The following KAZN variants were observed in gnomAD, a reference collection of about 807,000 sequenced individuals.
KAZN encodes the protein kazrin, periplakin interacting protein.
In KAZN, 40 loss-of-function variants were observed where a neutral mutation model predicts 87.4. The ratio of observed to expected loss-of-function variants is 0.46; its 90% CI spans 0.36 to 0.60. The LOEUF (loss-of-function observed/expected upper bound fraction) is 0.60. Ranked by LOEUF, KAZN falls within the 20% of genes least tolerant of loss-of-function variation. KAZN has a pLI of 0.00. For missense variants in KAZN, 898 were observed against 1,073.9 expected (o/e 0.84, Z 2.29); for synonymous variants, 466 against 458.3 (o/e 1.02, Z -0.22).
intron 13 of KAZN, among the ~76,000 whole-genome samples, chr1:15,107,328 T>C (rs1641330849): frequency 6.6e-6 from 1 of 152,192 alleles, no homozygotes; most frequent in South Asian, 2.1e-4. Context: ...TCTTTCCCTT[T>C]TTTAATAGAT....
chr1:14,243,316 G>A (rs375678294), intron 2 of KAZN, among the ~76,000 whole-genome samples: 2 of 152,090 alleles, frequency 1.3e-5, no homozygotes, highest in African/African-American at 4.8e-5. Context: ...GTTTCTAGTC[G>A]GGCCCTACCC....
intron 8 of KAZN, among the ~76,000 whole-genome samples, chr1:15,090,052 C>A (rs1489619274): frequency 6.6e-6 from 1 of 152,242 alleles, no homozygotes; most frequent in Non-Finnish European, 1.5e-5. Context: ...GTATCTGCAA[C>A]TTTCACACCC....
At chr1:14,453,719 C>T (rs546328766) in intron 2 of KAZN, among the ~76,000 whole-genome samples, 1 of 152,218 alleles carries the variant, frequency 6.6e-6, no homozygotes, top group South Asian at 2.1e-4. Flanking sequence ...CCCTGTAATC[C>T]CAGCTACTAG....
chr1:14,410,497 T>C (rs1035208722), intron 2 of KAZN, among the ~76,000 whole-genome samples: 1 of 152,202 alleles, frequency 6.6e-6, no homozygotes, highest in African/African-American at 2.4e-5. Context: ...ATGACGGACA[T>C]GCATAGTAGA....
At chr1:14,653,695 G>A (rs1017022602) in intron 1 of KAZN, among the ~76,000 whole-genome samples, 23 of 152,224 alleles carry the variant, frequency 1.5e-4, no homozygotes, top group African/African-American at 5.5e-4. Context: ...GTCAAGGCTT[G>A]TAATACCAAC....
intron 2 of KAZN, among the ~76,000 whole-genome samples, chr1:14,237,563 T>C (rs1648541251): frequency 6.6e-6 from 1 of 152,170 alleles, no homozygotes; most frequent in Admixed American, 6.5e-5. Context: ...TGAGAGAGAA[T>C]ACTCTGTTAT....
chr1:13,992,562 C>T (rs1639334536), intron 1 of KAZN, among the ~76,000 whole-genome samples: 1 of 152,156 alleles, frequency 6.6e-6, no homozygotes, highest in Admixed American at 6.5e-5. Flanking sequence ...GCCAAACCAG[C>T]TTGACTTAAG....
intron 2 of KAZN, among the ~76,000 whole-genome samples, chr1:14,195,511 T>TCACACACACACACACACACACA (rs55792359): frequency 6.8e-6 from 1 of 146,090 alleles, no homozygotes; most frequent in Non-Finnish European, 1.5e-5. Context: ...CAAAAACGGC[T>TCACACACACACACACACACACA]CACACACACA....
intron 2 of KAZN, among the ~76,000 whole-genome samples, chr1:14,590,803 A>G (rs1676148356): frequency 6.6e-6 from 1 of 152,152 alleles, no homozygotes; most frequent in Non-Finnish European, 1.5e-5. Flanking sequence ...ATTCCTCAAC[A>G]AGTCTATGAA....
chr1:15,108,815 A>G (rs189929105), intron 13 of KAZN, among the ~76,000 whole-genome samples: 55 of 152,268 alleles, frequency 3.6e-4, no homozygotes, highest in African/African-American at 1.3e-3. Flanking sequence ...TTCCCTCATC[A>G]AAAGTTCCCC....
At position 14,201,050 on chromosome 1, in the gene KAZN, A is replaced by T. The variant is rs756446309; in HGVS notation, c.249+20458A>T. ...CCTGGTGCATGGCCTCTCCCGGCCC[A>T]ATTTATCTTAGGGAGTGGTGTGCCT... On this transcript the variant is annotated intron_variant, in intron 2 of 16. Transcript: ENST00000636203. Among the ~76,000 whole-genome samples, 63 of 152,180 alleles carry T rather than the reference A, an allele frequency of 4.1e-4. 1 individual carries two copies. Among genetic ancestry groups the T allele is most frequent in the Non-Finnish European group, 7.5e-4 (51 of 68,014 alleles).
At chr1:14,931,593 AGATT>A (rs1459439268) in intron 1 of KAZN, among the ~76,000 whole-genome samples, 1 of 152,104 alleles carries the variant, frequency 6.6e-6, no homozygotes, top group East Asian at 1.9e-4. Flanking sequence ...GCTAAGGTAT[AGATT>A]CTCAGGCTCC....
At chr1:14,088,863 G>T (rs150850870) in intron 1 of KAZN, among the ~76,000 whole-genome samples, 2 of 150,998 alleles carry the variant, frequency 1.3e-5, no homozygotes. Context: ...TCATGAATGG[G>T]CCTTTTTATC....
chr1:14,047,197 A>C (rs1023798220), intron 1 of KAZN, among the ~76,000 whole-genome samples: 2 of 152,196 alleles, frequency 1.3e-5, no homozygotes, highest in African/African-American at 4.8e-5. Flanking sequence ...TCACTGGTAG[A>C]AATAGGGATG....
At chr1:14,267,359 C>CAA (rs61641430) in intron 2 of KAZN, among the ~76,000 whole-genome samples, 934 of 64,710 alleles carry the variant, frequency 0.014, 17 homozygotes, top group Middle Eastern at 0.054. Flanking sequence ...AGCCGATAAG[C>CAA]AAAAAAAAAA....
At chr1:14,337,451 A>G (rs994554291) in intron 2 of KAZN, among the ~76,000 whole-genome samples, 12 of 152,218 alleles carry the variant, frequency 7.9e-5, no homozygotes, top group Admixed American at 3.3e-4. Context: ...TACAAATACT[A>G]TTTTCCCTCA....
At chr1:14,252,944 G>A (rs1182079383) in intron 2 of KAZN, among the ~76,000 whole-genome samples, 1 of 152,086 alleles carries the variant, frequency 6.6e-6, no homozygotes, top group Non-Finnish European at 1.5e-5. Context: ...TGCATCAACT[G>A]GCAGTTGAGA....
At chr1:14,628,872 AG>A in intron 1 of KAZN, among the ~76,000 whole-genome samples, 1 of 130,232 alleles carries the variant, frequency 7.7e-6, no homozygotes, top group East Asian at 2.3e-4. Context: ...TTATAGATGG[AG>A]TCTTGCTCTG....
At chr1:14,332,651 T>C (rs1401910903) in intron 2 of KAZN, among the ~76,000 whole-genome samples, 4 of 151,272 alleles carry the variant, frequency 2.6e-5, no homozygotes, top group Admixed American at 1.3e-4. Flanking sequence ...TATGGAACAA[T>C]CAGCATGAAT....
Sources: gnomAD v4.1 joint callset for allele counts (sites outside exome capture counted in the v4.1 genomes callset) on GRCh38, gnomAD v4.1.1 for gene constraint, MANE v1.5 for transcripts, NCBI Gene and HGNC (gene_info 2026-07-23, HGNC 2026-07-21) for gene names.